Variants in FRMD4A observed in about 807,000 individuals in gnomAD.
FRMD4A encodes the protein FERM domain-containing protein 4A.
Under a neutral mutation model 129.1 loss-of-function variants are expected in FRMD4A, and 29 were observed. The ratio of observed to expected loss-of-function variants is 0.22; its 90% CI spans 0.17 to 0.31. FRMD4A has a LOEUF of 0.31. FRMD4A is among the 10% of genes least tolerant of loss of function. The pLI, the probability that FRMD4A is intolerant of heterozygous loss-of-function variation, is 1.00. For synonymous variants in FRMD4A, 634 were observed against 571.6 expected, an observed-to-expected ratio of 1.11 and a Z score of -1.56; for missense variants, 1,272 against 1,375.8, an observed-to-expected ratio of 0.92 and a Z score of 1.19.
At chr10:13,662,081 G>T (rs1444822224) in intron 19 of FRMD4A, among the ~76,000 whole-genome samples, 11 of 152,124 alleles carry the variant, frequency 7.2e-5, no homozygotes, top group Admixed American at 7.2e-4. Context: ...AAATTACCCC[G>T]TGACATTACC....
At chr10:14,225,186 T>A (rs1440554009) in intron 2 of FRMD4A, among the ~76,000 whole-genome samples, 1 of 152,220 alleles carries the variant, frequency 6.6e-6, no homozygotes, top group Non-Finnish European at 1.5e-5. Flanking sequence ...ACATTTAGCC[T>A]AAAATCGTCA....
chr10:14,293,620 G>C (rs113462592), intron 2 of FRMD4A, among the ~76,000 whole-genome samples: 3 of 146,992 alleles, frequency 2.0e-5, no homozygotes, highest in Non-Finnish European at 3.0e-5. Flanking sequence ...TGAAGATAGA[G>C]AAAAAAAAAA....
intron 2 of FRMD4A, among the ~76,000 whole-genome samples, chr10:13,988,086 C>T (rs939467481): frequency 1.3e-5 from 2 of 152,136 alleles, no homozygotes; most frequent in African/African-American, 4.8e-5. Flanking sequence ...GTGTCTCAGG[C>T]CCACTTATTT....
rs77508885 is a variant in FRMD4A, at chr10:13,793,720, C to A, written c.299+2776G>T. Among the ~76,000 whole-genome samples the A allele has an allele frequency of 2.3e-3, 346 of 152,184 alleles. 2 individuals are homozygous for A. Among genetic ancestry groups the A allele is most frequent in the African/African-American group, 7.8e-3 (322 of 41,512 alleles). On this transcript the variant is annotated intron_variant, in intron 5 of 24. Transcript: ENST00000357447. ...ACAGAAGTTCTTTTATGGACTCAAGCCTATTTCAAGTTCTGGGCTTTTGAT... is the reference window on the plus strand; with the variant it reads ...ACAGAAGTTCTTTTATGGACTCAAGACTATTTCAAGTTCTGGGCTTTTGAT...
At chr10:13,672,297 T>TA (rs201228812) in intron 16 of FRMD4A, among the ~76,000 whole-genome samples, 3,040 of 150,308 alleles carry the variant, frequency 0.02, 75 homozygotes, top group African/African-American at 0.055. Flanking sequence ...GTTTTTTCTT[T>TA]AAAAAAAAAA....
intron 12 of FRMD4A, among the ~76,000 whole-genome samples, chr10:13,716,721 C>G (rs1222553558): frequency 6.6e-6 from 1 of 152,160 alleles, no homozygotes; most frequent in Non-Finnish European, 1.5e-5. Flanking sequence ...AGAGTCATTA[C>G]TAGGGGAAAA....
At chr10:13,958,577 C>A (rs2095425524) in intron 2 of FRMD4A, among the ~76,000 whole-genome samples, 1 of 150,632 alleles carries the variant, frequency 6.6e-6, no homozygotes, top group South Asian at 2.1e-4. Flanking sequence ...GCCACCGCAC[C>A]CGACCAGTGT....
intron 2 of FRMD4A, among the ~76,000 whole-genome samples, chr10:14,328,160 C>T (rs1002008543): frequency 6.6e-6 from 1 of 152,084 alleles, no homozygotes; most frequent in Non-Finnish European, 1.5e-5. Flanking sequence ...ATCAAACGGT[C>T]CATCAGGGTG....
At chr10:14,204,101 G>A (rs1016139145) in intron 2 of FRMD4A, among the ~76,000 whole-genome samples, 5 of 152,084 alleles carry the variant, frequency 3.3e-5, no homozygotes, top group Non-Finnish European at 4.4e-5. Flanking sequence ...AAAAATTACC[G>A]AAAGGAAGAA....
intron 15 of FRMD4A, among the ~76,000 whole-genome samples, chr10:13,690,564 G>A (rs2085587226): frequency 1.3e-5 from 2 of 152,242 alleles, no homozygotes; most frequent in African/African-American, 4.8e-5. Flanking sequence ...CCTCCACCCT[G>A]GCACTAAAGG....
chr10:14,122,740 G>C (rs1838600345), intron 2 of FRMD4A, among the ~76,000 whole-genome samples: 1 of 151,922 alleles, frequency 6.6e-6, no homozygotes, highest in African/African-American at 2.4e-5. Context: ...CTCCCACCAG[G>C]ACCCACCTGC....
At chr10:13,852,049 A>C (rs1017632819) in intron 3 of FRMD4A, among the ~76,000 whole-genome samples, 1 of 151,970 alleles carries the variant, frequency 6.6e-6, no homozygotes, top group Admixed American at 6.6e-5. Flanking sequence ...ACAATGTAGT[A>C]ATCATGGAAA....
At chr10:13,836,485 G>T (rs1202912881) in intron 3 of FRMD4A, among the ~76,000 whole-genome samples, 1 of 152,160 alleles carries the variant, frequency 6.6e-6, no homozygotes, top group Non-Finnish European at 1.5e-5. Context: ...GGGGCGCGGG[G>T]AGGAAACAGA....
chr10:14,268,661 C>T lies in FRMD4A; in HGVS notation c.45+61397G>A, dbSNP rs144837787. Among the ~76,000 whole-genome samples, 812 of 152,276 alleles carry T rather than the reference C, an allele frequency of 5.3e-3. 8 individuals carry two copies. Among genetic ancestry groups the T allele is most frequent in the African/African-American group, 0.018 (767 of 41,544 alleles). ...CATTTTAAGCCTGAAATATTTGATG[C>T]GTGATGAAATCTACAACATGTCCCT... On this transcript the variant is annotated intron_variant, in intron 2 of 24. Coordinates refer to ENST00000357447, the MANE Select transcript of FRMD4A (RefSeq NM_018027.5).
At chr10:13,940,497 C>G (rs1014663709) in intron 2 of FRMD4A, among the ~76,000 whole-genome samples, 4 of 152,112 alleles carry the variant, frequency 2.6e-5, no homozygotes, top group Non-Finnish European at 4.4e-5. Flanking sequence ...ATTTCTTGTC[C>G]TATTAAAAAT....
chr10:14,321,877 TC>T lies in FRMD4A; in HGVS notation c.45+8180del. On this transcript the variant is annotated intron_variant, in intron 2 of 24. Transcript: ENST00000357447. The stretch of plus-strand genomic sequence containing the variant: ...TGATTGTATCATGGGGGCGGACTTC[TC>T]CCTTGCTGTTCTTGTGACAGTGAGT... Among the ~76,000 whole-genome samples the T allele has an allele frequency of 2.0e-5, 3 of 152,176 alleles. No homozygotes were observed. The East Asian group carries it at 5.8e-4, about 29-fold the overall frequency.
At chr10:13,858,313 T>A (rs1380943957) in intron 3 of FRMD4A, among the ~76,000 whole-genome samples, 3 of 152,162 alleles carry the variant, frequency 2.0e-5, no homozygotes, top group Non-Finnish European at 4.4e-5. Context: ...CACATGCCTG[T>A]AATCCCAGCT....
chr10:13,783,083 T>G, intron 5 of FRMD4A, 77 bp from the exon 6 acceptor site: 3 of 740,300 alleles, frequency 4.1e-6, no homozygotes, highest in Non-Finnish European at 7.5e-6. Context: ...GCTACATGAT[T>G]TGAGATGAAA....
chr10:13,660,568 GAAGAGAGGAACTGAGC>G lies in FRMD4A; in HGVS notation c.1661-31_1661-16del. ...CTGAGAGTCTTCTGCACAAAGACAGGAAGAGAGGAACTGAGCCCCGGTCATCCTTCCCACAGGCTGA... is the reference window on the plus strand; with the variant it reads ...CTGAGAGTCTTCTGCACAAAGACAGGCCCGGTCATCCTTCCCACAGGCTGA... On this transcript the variant is annotated splice_polypyrimidine_tract_variant and intron_variant, in intron 19 of 24. Coordinates refer to ENST00000357447, the MANE Select transcript of FRMD4A (RefSeq NM_018027.5). 1 of 1,507,736 alleles carries G rather than the reference GAAGAGAGGAACTGAGC, an allele frequency of 6.6e-7. No homozygotes were observed. The highest frequency in any genetic ancestry group is 9.2e-7 in the Non-Finnish European group (1 of 1,092,352). 93.4% of individuals were successfully genotyped at this position (1,507,736 alleles called of 1,614,324 possible). A position where few individuals can be genotyped will look rare whatever the true frequency, so the allele number is the denominator to read the frequency against.
Sources: allele counts gnomAD v4.1 joint callset (sites outside exome capture counted in the v4.1 genomes callset), GRCh38; gene constraint gnomAD v4.1.1; transcripts MANE v1.5; gene names NCBI Gene and HGNC (gene_info 2026-07-23, HGNC 2026-07-21).